Variants in CCDC7 observed in about 807,000 individuals in gnomAD.
CCDC7 encodes coiled-coil domain containing 7, also known as coiled-coil domain-containing protein 7.
A neutral mutation model predicts 196.9 loss-of-function variants in CCDC7; 183 were observed. The ratio of observed to expected loss-of-function variants is 0.93; its 90% CI spans 0.82 to 1.05. The LOEUF (loss-of-function observed/expected upper bound fraction) is 1.05, where lower values mean the gene tolerates loss of function less well. Ranked by LOEUF, CCDC7 falls within the 50% of genes least tolerant of loss-of-function variation. The pLI is 0.00. For missense variants in CCDC7, 1,540 were observed against 1,482.2 expected, an observed-to-expected ratio of 1.04 and a Z score of -0.64; for synonymous variants, 525 against 484.6, an observed-to-expected ratio of 1.08 and a Z score of -1.10.
intron 8 of CCDC7, among the ~76,000 whole-genome samples, chr10:32,481,514 G>T (rs796153764): frequency 2.0e-5 from 3 of 151,918 alleles, no homozygotes; most frequent in South Asian, 2.1e-4. Context: ...GTAGCTATAG[G>T]TATTTTGTTT....
At chr10:32,498,319 T>C in intron 9 of CCDC7, among the ~76,000 whole-genome samples, 1 of 152,070 alleles carries the variant, frequency 6.6e-6, no homozygotes. Flanking sequence ...CACCAGTGGG[T>C]CTTTACTCTT....
At chr10:32,444,083 C>G (rs984496651), upstream of CCDC7, among the ~76,000 whole-genome samples, 2 of 152,018 alleles carry the variant, frequency 1.3e-5, no homozygotes, top group African/African-American at 4.8e-5. Context: ...GCCTTTATTT[C>G]TTTTTCTTGC....
chr10:32,653,729 C>G (rs2069219005), intron 20 of CCDC7, among the ~76,000 whole-genome samples: 1 of 152,148 alleles, frequency 6.6e-6, no homozygotes, highest in Non-Finnish European at 1.5e-5. Flanking sequence ...AACTCAAAAG[C>G]CCATCTCAAA....
chr10:32,866,716 G>A (rs1281458644), intron 41 of CCDC7, among the ~76,000 whole-genome samples: 1 of 151,136 alleles, frequency 6.6e-6, no homozygotes, highest in African/African-American at 2.4e-5. Flanking sequence ...AGCTGATAAA[G>A]GTAAAAAGAA....
In CCDC7 at chr10:32,571,604, T is replaced by A. The variant is rs572850982; in HGVS notation, c.1420-255T>A. On this transcript the variant is annotated intron_variant, in intron 15 of 41. Coordinates refer to ENST00000639629, the Ensembl canonical transcript of CCDC7. ...CATGCTTTTCTTTAACTCAAAAAAT[T>A]TTTTTTTTGTTTACTAAAAGTATAA... Among the ~76,000 whole-genome samples the A allele has an allele frequency of 6.4e-4, 98 of 152,022 alleles. 1 individual carries two copies. The South Asian group carries it at 7.1e-3, about 11-fold the overall frequency.
intron 18 of CCDC7, among the ~76,000 whole-genome samples, chr10:32,598,064 T>G (rs746114882): frequency 6.6e-6 from 1 of 152,212 alleles, no homozygotes; most frequent in Admixed American, 6.5e-5. Flanking sequence ...CTGCAGAAGT[T>G]TCTGCTGCCT....
intron 13 of CCDC7, among the ~76,000 whole-genome samples, chr10:32,558,016 T>G (rs981158178): frequency 6.6e-6 from 1 of 152,226 alleles, no homozygotes; most frequent in Non-Finnish European, 1.5e-5. Context: ...TGCTAAGATT[T>G]CCATAATTTT....
intron 29 of CCDC7, among the ~76,000 whole-genome samples, chr10:32,784,975 C>T (rs1172609245): frequency 1.3e-5 from 2 of 151,860 alleles, no homozygotes; most frequent in Non-Finnish European, 2.9e-5. Flanking sequence ...GCACTCCAGC[C>T]TGGGAGAGAG....
At chr10:32,742,982 C>T (rs1343786188) in intron 28 of CCDC7, among the ~76,000 whole-genome samples, 1 of 152,168 alleles carries the variant, frequency 6.6e-6, no homozygotes, top group Non-Finnish European at 1.5e-5. Context: ...TCTTCAGTGG[C>T]CTAGTGGCTA....
intron 11 of CCDC7, among the ~76,000 whole-genome samples, chr10:32,527,994 T>C (rs2048932324): frequency 6.6e-6 from 1 of 152,196 alleles, no homozygotes; most frequent in Non-Finnish European, 1.5e-5. Flanking sequence ...TATGTTAACA[T>C]ACCCATTAAA....
intron 41 of CCDC7, 118 bp downstream of exon 42, chr10:32,854,607 G>A (rs2136326295): frequency 3.2e-6 from 2 of 615,696 alleles, no homozygotes; most frequent in African/African-American, 1.9e-5. Context: ...AACCTTATGG[G>A]TGAGGCATGG....
intron 26 of CCDC7, among the ~76,000 whole-genome samples, chr10:32,727,560 C>T (rs2083307887): frequency 1.3e-5 from 2 of 152,066 alleles, no homozygotes; most frequent in African/African-American, 4.8e-5. Context: ...TAGGGCCCAT[C>T]AACTTCACTG....
chr10:32,772,549 C>A (rs971309891), intron 28 of CCDC7, among the ~76,000 whole-genome samples: 1 of 152,224 alleles, frequency 6.6e-6, no homozygotes, highest in African/African-American at 2.4e-5. Flanking sequence ...ATGGCCCTAG[C>A]CAAGAGAGTT....
chr10:32,548,492 G>T (rs369666220), intron 13 of CCDC7, among the ~76,000 whole-genome samples: 1 of 152,200 alleles, frequency 6.6e-6, no homozygotes, highest in African/African-American at 2.4e-5. Context: ...AACTAGGGGC[G>T]AGGAGAATGA....
At chr10:32,513,007 A>T (rs534228635) in intron 9 of CCDC7, 3 of 152,136 alleles carry the variant, frequency 2.0e-5, no homozygotes, top group African/African-American at 7.2e-5. Context: ...AGGACAATTT[A>T]GCACAGTTTA....
At chr10:32,844,669 G>T (rs972016646) in intron 33 of CCDC7, among the ~76,000 whole-genome samples, 1 of 151,670 alleles carries the variant, frequency 6.6e-6, no homozygotes, top group African/African-American at 2.4e-5. Context: ...TAAAGTCAGT[G>T]GTTAAGGAAT....
At chr10:32,793,732 A>G (rs1258858767) in intron 29 of CCDC7, among the ~76,000 whole-genome samples, 2 of 152,156 alleles carry the variant, frequency 1.3e-5, no homozygotes, top group Non-Finnish European at 2.9e-5. Context: ...AAGGTTTGTC[A>G]TATTATTGAT....
At chr10:32,704,066 G>A (rs140176857) in intron 24 of CCDC7, among the ~76,000 whole-genome samples, 38 of 152,206 alleles carry the variant, frequency 2.5e-4, no homozygotes, top group East Asian at 2.3e-3. Flanking sequence ...GAGCAGCTGC[G>A]TTCCTTTGGA....
chr10:32,705,634 A>C (rs1040027361), intron 24 of CCDC7, among the ~76,000 whole-genome samples: 1 of 152,114 alleles, frequency 6.6e-6, no homozygotes, highest in East Asian at 1.9e-4. Context: ...ATCTACCAAG[A>C]AAATGGAAAA....
Sources: allele counts gnomAD v4.1 joint callset (sites outside exome capture counted in the v4.1 genomes callset), GRCh38; gene constraint gnomAD v4.1.1; transcripts MANE v1.5; gene names NCBI Gene and HGNC (gene_info 2026-07-23, HGNC 2026-07-21).